Variants in FANCL observed in about 807,000 individuals in gnomAD.
FANCL encodes E3 ubiquitin-protein ligase FANCL.
In FANCL, 69 loss-of-function variants were observed where a neutral mutation model predicts 59.4. The ratio of observed to expected loss-of-function variants is 1.16; its 90% CI spans 0.96 to 1.42. The LOEUF is 1.42. Among genes scored for constraint, FANCL ranks in the 40% most tolerant of loss-of-function variants. The pLI, the probability that FANCL is intolerant of heterozygous loss-of-function variation, is 0.00. For missense variants in FANCL, 519 were observed against 447.2 expected (o/e 1.16, Z -1.45); for synonymous variants, 180 against 147.1 (o/e 1.22, Z -1.62).
intron 5 of FANCL, among the ~76,000 whole-genome samples, chr2:58,207,360 ACT>A (rs909346221): frequency 5.3e-5 from 8 of 152,166 alleles, no homozygotes; most frequent in African/African-American, 1.9e-4. Context: ...TCTATGAGGG[ACT>A]CAAAATGTGG....
rs796646796 is a variant in FANCL, at chr2:58,217,142, GATTTATATATATATTTATATATTTTAT to G, written c.374+4773_374+4799del. Among the ~76,000 whole-genome samples the G allele has an allele frequency of 5.7e-4, 37 of 64,972 alleles. 2 individuals are homozygous for G. The highest frequency in any genetic ancestry group is 1.7e-3 in the South Asian group (3 of 1,778). 42.6% of individuals were successfully genotyped at this position (64,972 alleles called of 152,430 possible). Reference sequence around the variant, plus strand: ...ACATATATATATATTTTTATATATAGATTTATATATATATTTATATATTTTATATATATATATATATATATATATATA... The same window carrying G: ...ACATATATATATATTTTTATATATAGATATATATATATATATATATATATA... On this transcript the variant is annotated intron_variant, in intron 5 of 13. Transcript: ENST00000233741.
At chr2:58,235,931 T>A (rs1409259963) in intron 1 of FANCL, among the ~76,000 whole-genome samples, 1 of 146,176 alleles carries the variant, frequency 6.8e-6, no homozygotes, top group African/African-American at 2.5e-5. Context: ...ATATCCCAAA[T>A]AAAGAGAAAG....
At chr2:58,185,651 G>C (rs897186548) in intron 7 of FANCL, among the ~76,000 whole-genome samples, 1 of 152,102 alleles carries the variant, frequency 6.6e-6, no homozygotes, top group African/African-American at 2.4e-5. Context: ...ATTAAGCAGG[G>C]TAAGGACAGG....
In FANCL at chr2:58,170,865, T is replaced by C. The variant is rs188509398; in HGVS notation, c.541-4991A>G. Among the ~76,000 whole-genome samples, 121 of 152,050 alleles carry C rather than the reference T, an allele frequency of 8.0e-4. 1 individual carries two copies. Among genetic ancestry groups the C allele is most frequent in the Admixed American group, 3.9e-4 (6 of 15,282 alleles). On this transcript the variant is annotated intron_variant, in intron 7 of 13. Transcript: ENST00000233741. The stretch of plus-strand genomic sequence containing the variant: ...TGCACCCAATACAGAAGCAACCAGA[T>C]TCATAAAGCAAGTTCTCAGAGACCT...
chr2:58,168,060 C>T (rs1297242995), intron 7 of FANCL, among the ~76,000 whole-genome samples: 1 of 151,700 alleles, frequency 6.6e-6, no homozygotes. Flanking sequence ...AATAATATGG[C>T]CAAAATTAAA....
intron 5 of FANCL, among the ~76,000 whole-genome samples, chr2:58,218,666 G>C (rs1692089016): frequency 6.6e-6 from 1 of 151,338 alleles, no homozygotes; most frequent in African/African-American, 2.4e-5. Flanking sequence ...TGATAAAGTT[G>C]TCACCCATGG....
At chr2:58,168,109 T>C (rs935752252) in intron 7 of FANCL, among the ~76,000 whole-genome samples, 5 of 152,152 alleles carry the variant, frequency 3.3e-5, no homozygotes, top group African/African-American at 4.8e-5. Flanking sequence ...AGATGAATTC[T>C]CTAAAAAATA....
In FANCL at chr2:58,241,307, C is replaced by T. The variant is rs1410542080; in HGVS notation, c.7G>A (p.Val3Met). 1 of 1,614,188 alleles carries T rather than the reference C, an allele frequency of 6.2e-7. No homozygotes were observed. The highest frequency in any genetic ancestry group is 8.5e-7 in the Non-Finnish European group (1 of 1,180,032). ...TGGCGCAACAGGCTCGCTTCCGTCA[C>T]CGCCATGGCTCGAAGTCCGGAGAAA... The part of the protein sequence containing the change: MA[V>M]TEASLLRQCP... Residue 3 changes from valine to methionine, a missense_variant, in exon 1 of 14, where the codon GTG becomes ATG. Val to Met is a conservative substitution (Grantham distance 21). Coordinates refer to ENST00000233741, the MANE Select transcript of FANCL (RefSeq NM_018062.4).
In FANCL at chr2:58,183,464, A is replaced by G. The variant is rs188522273; in HGVS notation, c.540+15130T>C. Among the ~76,000 whole-genome samples the G allele has an allele frequency of 2.6e-4, 39 of 151,996 alleles. 1 individual carries two copies. The East Asian group carries it at 4.6e-3, about 18-fold the overall frequency. Reference sequence around the variant, plus strand: ...CTTATTAGTTACTGCTTTTATTACCAAACCTCAGTGAAGAGGTCAGCATTT... The same window carrying G: ...CTTATTAGTTACTGCTTTTATTACCGAACCTCAGTGAAGAGGTCAGCATTT... On this transcript the variant is annotated intron_variant, in intron 7 of 13. Coordinates refer to ENST00000233741, the MANE Select transcript of FANCL (RefSeq NM_018062.4).
chr2:58,171,781 C>T (rs1255852190), intron 7 of FANCL, among the ~76,000 whole-genome samples: 2 of 152,156 alleles, frequency 1.3e-5, no homozygotes, highest in African/African-American at 4.8e-5. Context: ...GTGCACCATG[C>T]GCGAGCAGAA....
intron 2 of FANCL, among the ~76,000 whole-genome samples, chr2:58,231,298 C>T (rs1177978613): frequency 6.6e-6 from 1 of 152,144 alleles, no homozygotes; most frequent in Admixed American, 6.5e-5. Context: ...ATCTGCACTC[C>T]AGGTCTCACA....
chr2:58,186,893 C>T (rs192639542), intron 7 of FANCL, among the ~76,000 whole-genome samples: 607 of 152,216 alleles, frequency 4.0e-3, no homozygotes, highest in Non-Finnish European at 6.8e-3. Context: ...GTTAGAATGG[C>T]AATCATTAAA....
At chr2:58,176,360 C>T (rs1488112480) in intron 7 of FANCL, among the ~76,000 whole-genome samples, 7 of 151,850 alleles carry the variant, frequency 4.6e-5, no homozygotes, top group South Asian at 4.2e-4. Context: ...GGAGGCATCA[C>T]GCTACCTGAC....
At chr2:58,214,136 A>G (rs913977106) in intron 5 of FANCL, among the ~76,000 whole-genome samples, 2 of 152,248 alleles carry the variant, frequency 1.3e-5, no homozygotes, top group Admixed American at 6.5e-5. Context: ...GGCACACAAC[A>G]GAAACTTCAT....
At chr2:58,166,052 G>A (rs950539674) in intron 7 of FANCL, among the ~76,000 whole-genome samples, 178 bp from the exon 8 acceptor site, 1 of 152,076 alleles carries the variant, frequency 6.6e-6, no homozygotes, top group African/African-American at 2.4e-5. Flanking sequence ...AGCGTTTACA[G>A]GATTCTTTTT....
intron 12 of FANCL, among the ~76,000 whole-genome samples, chr2:58,160,658 C>T (rs1277592095): frequency 6.6e-6 from 1 of 151,926 alleles, no homozygotes; most frequent in Non-Finnish European, 1.5e-5. Flanking sequence ...AAGCATGAGC[C>T]AGTGAATTTT....
At position 58,222,009 on chromosome 2, in the gene FANCL, C is replaced by A; in HGVS notation, c.307G>T (p.Ala103Ser). Residue 103 changes from alanine to serine, a missense_variant, in exon 5 of 14, where the codon GCA becomes TCA. Ala to Ser is a moderately conservative substitution (Grantham distance 99, BLOSUM62 1). Transcript: ENST00000233741. ...VALKNRQELY[A>S]LPPPPQFYSS... ...TAGAACTGGGGAGGAGGAGGTAGTG[C>A]ATACAGCTCTTGTCTATTCTTTAAG... 6.2e-7 allele frequency: 1 copy of A among 1,613,500 alleles called. No homozygotes were observed. Among genetic ancestry groups the A allele is most frequent in the South Asian group, 1.1e-5 (1 of 91,072 alleles).
chr2:58,174,963 TC>T (rs1687127482), intron 7 of FANCL, among the ~76,000 whole-genome samples: 1 of 151,986 alleles, frequency 6.6e-6, no homozygotes, highest in African/African-American at 2.4e-5. Flanking sequence ...TCACCACCGA[TC>T]CCACAGAAAT....
At chr2:58,198,260 T>C (rs1305247387) in intron 7 of FANCL, among the ~76,000 whole-genome samples, 3 of 152,182 alleles carry the variant, frequency 2.0e-5, no homozygotes, top group East Asian at 1.9e-4. Flanking sequence ...ACAGTTACAG[T>C]TGGCCCTACC....
Sources: allele counts gnomAD v4.1 joint callset (sites outside exome capture counted in the v4.1 genomes callset), GRCh38; gene constraint gnomAD v4.1.1; transcripts MANE v1.5; gene names NCBI Gene and HGNC (gene_info 2026-07-23, HGNC 2026-07-21).